Variants in PCCA observed in about 807,000 individuals in gnomAD.
The protein encoded by PCCA is propionyl-CoA carboxylase subunit alpha, also known as propionyl-CoA carboxylase alpha chain, mitochondrial.
PCCA carries 74 observed loss-of-function variants against 101.3 expected under a neutral mutation model. The ratio of observed to expected loss-of-function variants is 0.73; its 90% confidence interval spans 0.61 to 0.89. PCCA has a LOEUF of 0.89. Ranked by LOEUF, PCCA falls within the 40% of genes least tolerant of loss-of-function variation. PCCA has a pLI of 0.00. For missense variants in PCCA, 891 were observed against 907.0 expected (o/e 0.98, Z 0.23); for synonymous variants, 294 against 313.6 (o/e 0.94, Z 0.66).
At chr13:100,281,546 T>C (rs2064122086) in intron 12 of PCCA, among the ~76,000 whole-genome samples, 1 of 152,180 alleles carries the variant, frequency 6.6e-6, no homozygotes, top group Non-Finnish European at 1.5e-5. Context: ...TTTTAGTTTC[T>C]TATTTTGTTG....
At chr13:100,299,538 A>G (rs2065892455) in intron 12 of PCCA, among the ~76,000 whole-genome samples, 2 of 152,114 alleles carry the variant, frequency 1.3e-5, no homozygotes, top group South Asian at 4.1e-4. Context: ...GTGACTCTGT[A>G]TTTGCTGTTC....
intron 19 of PCCA, among the ~76,000 whole-genome samples, chr13:100,377,632 C>T (rs2075996709): frequency 6.6e-6 from 1 of 152,032 alleles, no homozygotes; most frequent in Non-Finnish European, 1.5e-5. Context: ...GTAGCTGGGA[C>T]TACAGGCGCC....
intron 4 of PCCA, among the ~76,000 whole-genome samples, chr13:100,118,960 T>C (rs1248367795): frequency 6.6e-6 from 1 of 152,222 alleles, no homozygotes; most frequent in Non-Finnish European, 1.5e-5. Context: ...CTTCCCATTA[T>C]AATGGTACAT....
chr13:100,368,901 G>T (rs1321031882), intron 19 of PCCA, among the ~76,000 whole-genome samples: 1 of 152,120 alleles, frequency 6.6e-6, no homozygotes, highest in Non-Finnish European at 1.5e-5. Context: ...GTGGTGGTAG[G>T]TAACCATCCT....
intron 6 of PCCA, among the ~76,000 whole-genome samples, chr13:100,196,380 G>A (rs2058101764): frequency 1.3e-5 from 2 of 152,150 alleles, no homozygotes; most frequent in South Asian, 4.2e-4. Flanking sequence ...ATCAGTGTAG[G>A]AGAAACAAGG....
intron 21 of PCCA, among the ~76,000 whole-genome samples, chr13:100,502,287 G>C (rs148030646): frequency 6.6e-6 from 1 of 152,160 alleles, no homozygotes; most frequent in Non-Finnish European, 1.5e-5. Flanking sequence ...CCAGCCCCCT[G>C]ATCCAGGCAG....
At chr13:100,382,255 G>A (rs1338894079) in intron 19 of PCCA, among the ~76,000 whole-genome samples, 1 of 152,190 alleles carries the variant, frequency 6.6e-6, no homozygotes, top group African/African-American at 2.4e-5. Context: ...CAGAGGAGGG[G>A]TAGGTGATCT....
At chr13:100,315,889 A>G (rs2067305881) in intron 16 of PCCA, among the ~76,000 whole-genome samples, 2 of 152,336 alleles carry the variant, frequency 1.3e-5, no homozygotes, top group African/African-American at 4.8e-5. Flanking sequence ...GAATACCTCT[A>G]CTGTCCCCAT....
chr13:100,522,705 C>T (rs945415322), intron 22 of PCCA, among the ~76,000 whole-genome samples: 2 of 152,164 alleles, frequency 1.3e-5, no homozygotes, highest in Admixed American at 6.5e-5. Flanking sequence ...TTTTGTTACT[C>T]CCCGTCTGTT....
rs193158644 is a variant in PCCA, at chr13:100,256,116, T to G, written c.638-1479T>G. Among the ~76,000 whole-genome samples the G allele has an allele frequency of 3.8e-3, 581 of 152,294 alleles. 1 individual carries two copies. The highest frequency in any genetic ancestry group is 0.017 in the Middle Eastern group (5 of 294). ...TCCGCCTCCCAGGTTCAAGCGATTCTCTTGCCTCAGCCTCTGAGTAGCTGG... is the reference window on the plus strand; with the variant it reads ...TCCGCCTCCCAGGTTCAAGCGATTCGCTTGCCTCAGCCTCTGAGTAGCTGG... On this transcript the variant is annotated intron_variant, in intron 8 of 23. Transcript: ENST00000376285.
At chr13:100,297,095 G>T (rs1184912639) in intron 12 of PCCA, among the ~76,000 whole-genome samples, 1 of 152,120 alleles carries the variant, frequency 6.6e-6, no homozygotes, top group Non-Finnish European at 1.5e-5. Context: ...TTTGCATTCT[G>T]GGCAGGAATA....
chr13:100,486,312 G>A (rs966195645), intron 21 of PCCA, among the ~76,000 whole-genome samples: 1 of 152,192 alleles, frequency 6.6e-6, no homozygotes, highest in African/African-American at 2.4e-5. Flanking sequence ...TGACTTCTGC[G>A]GGAGAAGTAC....
At chr13:100,212,217 T>C (rs1386484259) in intron 7 of PCCA, among the ~76,000 whole-genome samples, 45 of 152,216 alleles carry the variant, frequency 3.0e-4, no homozygotes, top group Admixed American at 2.9e-3. Context: ...CTATAGCCCA[T>C]GCACACCTAT....
At chr13:100,292,241 C>G (rs1437371201) in intron 12 of PCCA, among the ~76,000 whole-genome samples, 1 of 152,206 alleles carries the variant, frequency 6.6e-6, no homozygotes, top group Non-Finnish European at 1.5e-5. Context: ...TTCAGAACAA[C>G]TGCAGCTGAC....
chr13:100,216,075 C>T (rs1413174604), intron 7 of PCCA, among the ~76,000 whole-genome samples: 1 of 150,550 alleles, frequency 6.6e-6, no homozygotes, highest in Non-Finnish European at 1.5e-5. Context: ...CCCTTCCCCT[C>T]CCCTTCCCCT....
chr13:100,262,397 A>C (rs916323816), intron 9 of PCCA, among the ~76,000 whole-genome samples: 2 of 152,058 alleles, frequency 1.3e-5, no homozygotes, highest in Non-Finnish European at 2.9e-5. Flanking sequence ...CTGTCTCAAA[A>C]AAAAAAAAAG....
At chr13:100,291,059 A>T (rs2065079168) in intron 12 of PCCA, among the ~76,000 whole-genome samples, 1 of 152,266 alleles carries the variant, frequency 6.6e-6, no homozygotes. Flanking sequence ...AATATAGTAT[A>T]ACAACAGTTT....
intron 19 of PCCA, among the ~76,000 whole-genome samples, chr13:100,396,956 C>A (rs192714099): frequency 4.6e-5 from 7 of 152,228 alleles, no homozygotes; most frequent in African/African-American, 1.7e-4. Flanking sequence ...GTTTCCCTTT[C>A]TTCCACGATA....
chr13:100,222,767 TA>T (rs2059899326), intron 7 of PCCA, among the ~76,000 whole-genome samples: 1 of 152,226 alleles, frequency 6.6e-6, no homozygotes. Context: ...AACTATATTC[TA>T]TTTTTTTTCC....
Sources: allele counts gnomAD v4.1 joint callset (sites outside exome capture counted in the v4.1 genomes callset), GRCh38; gene constraint gnomAD v4.1.1; transcripts MANE v1.5; gene names NCBI Gene and HGNC (gene_info 2026-07-23, HGNC 2026-07-21).